Variants in DIS3L2 observed in about 807,000 individuals in gnomAD.
DIS3L2 encodes the protein DIS3-like exonuclease 2.
Under a neutral mutation model 97.5 loss-of-function variants are expected in DIS3L2, and 34 were observed. The observed-to-expected ratio is 0.35, with a 90% CI of 0.27 to 0.46. The LOEUF (loss-of-function observed/expected upper bound fraction) is 0.46. DIS3L2 is among the 20% of genes least tolerant of loss of function. The pLI, the probability that DIS3L2 is intolerant of heterozygous loss-of-function variation, is 1.00. For synonymous variants in DIS3L2, 435 were observed against 445.2 expected (o/e 0.98, Z 0.29); for missense variants, 1,038 against 1,146.0 (o/e 0.91, Z 1.36).
intron 5 of DIS3L2, among the ~76,000 whole-genome samples, chr2:232,045,058 A>G (rs1695200006): frequency 6.6e-6 from 1 of 152,160 alleles, no homozygotes; most frequent in Non-Finnish European, 1.5e-5. Context: ...GTGATAGAGA[A>G]AAAATCCTGG....
rs11682549 is a variant in DIS3L2 at position 232,142,958 on chromosome 2, C to T, written c.950+6239C>T. Among the ~76,000 whole-genome samples, 434 of 152,226 alleles carry T rather than the reference C, an allele frequency of 2.9e-3. 1 individual carries two copies. The highest frequency in any genetic ancestry group is 4.7e-3 in the Non-Finnish European group (323 of 68,016). On this transcript the variant is annotated intron_variant, in intron 8 of 20. Transcript: ENST00000325385. ...AACATTGGACCAACATGTATGAGAGCATGTATTTAAGAGTAGTAATACGAT... is the reference window on the plus strand; with the variant it reads ...AACATTGGACCAACATGTATGAGAGTATGTATTTAAGAGTAGTAATACGAT...
intron 14 of DIS3L2, among the ~76,000 whole-genome samples, chr2:232,308,051 G>T (rs1262178687): frequency 2.0e-5 from 3 of 152,258 alleles, no homozygotes; most frequent in Non-Finnish European, 4.4e-5. Flanking sequence ...GGGATTTCCA[G>T]TCCCTGTGAA....
chr2:232,099,159 T>G (rs1471013240), intron 6 of DIS3L2, among the ~76,000 whole-genome samples: 1 of 152,160 alleles, frequency 6.6e-6, no homozygotes, highest in Non-Finnish European at 1.5e-5. Context: ...TCCTGATATG[T>G]CATTATTTTA....
chr2:232,144,746 T>A (rs909486948), intron 8 of DIS3L2, among the ~76,000 whole-genome samples: 6 of 152,188 alleles, frequency 3.9e-5, no homozygotes, highest in African/African-American at 1.4e-4. Context: ...GTCTCTGTAG[T>A]CTCTCCAATT....
intron 5 of DIS3L2, among the ~76,000 whole-genome samples, chr2:232,068,446 G>A (rs975893772): frequency 7.3e-5 from 11 of 151,450 alleles, no homozygotes; most frequent in South Asian, 4.2e-4. Context: ...TTAGCTGGGC[G>A]TGATGGCATG....
At chr2:232,086,250 C>T (rs1033018130) in intron 5 of DIS3L2, among the ~76,000 whole-genome samples, 7 of 145,046 alleles carry the variant, frequency 4.8e-5, no homozygotes, top group African/African-American at 8.1e-5. Flanking sequence ...TATATACACA[C>T]GTATAGACGT....
chr2:232,161,425 T>G (rs970647903), intron 8 of DIS3L2, among the ~76,000 whole-genome samples: 3 of 152,200 alleles, frequency 2.0e-5, no homozygotes, highest in African/African-American at 4.8e-5. Flanking sequence ...TGACATGTTA[T>G]GTTTTCATTC....
intron 5 of DIS3L2, among the ~76,000 whole-genome samples, chr2:232,085,687 A>T (rs1424639002): frequency 6.6e-6 from 1 of 152,140 alleles, no homozygotes; most frequent in African/African-American, 2.4e-5. Context: ...TAGGGTCACA[A>T]TTTTTTTCAG....
chr2:232,031,272 G>A (rs940158822), intron 5 of DIS3L2, among the ~76,000 whole-genome samples: 5 of 152,156 alleles, frequency 3.3e-5, no homozygotes, highest in African/African-American at 9.6e-5. Context: ...GCTTTGTTGA[G>A]GCATACATTC....
At chr2:232,203,620 C>T (rs1691954203) in intron 9 of DIS3L2, among the ~76,000 whole-genome samples, 1 of 152,152 alleles carries the variant, frequency 6.6e-6, no homozygotes. Context: ...TAAAGACAGT[C>T]CAATCTCATT....
At chr2:232,217,287 G>A (rs1574951811) in intron 10 of DIS3L2, among the ~76,000 whole-genome samples, 1 of 152,302 alleles carries the variant, frequency 6.6e-6, no homozygotes, top group East Asian at 1.9e-4. Context: ...GAAGGAGATA[G>A]TCTGAGTGGG....
intron 6 of DIS3L2, among the ~76,000 whole-genome samples, chr2:232,097,861 TA>T (rs1023852244): frequency 2.6e-5 from 4 of 152,302 alleles, no homozygotes; most frequent in Admixed American, 2.6e-4. Flanking sequence ...ATGCTGTGTC[TA>T]ACCTTAAGCT....
At chr2:231,976,351 C>T (rs1158754597) in intron 1 of DIS3L2, among the ~76,000 whole-genome samples, 5 of 152,180 alleles carry the variant, frequency 3.3e-5, no homozygotes, top group Non-Finnish European at 7.4e-5. Context: ...TAGATTGGGC[C>T]AGGCACGGTA....
chr2:231,996,877 C>G (rs1168355116), intron 1 of DIS3L2, among the ~76,000 whole-genome samples: 1 of 152,216 alleles, frequency 6.6e-6, no homozygotes, highest in Non-Finnish European at 1.5e-5. Flanking sequence ...CTAGAAGGCT[C>G]TAGTCTGTGA....
intron 7 of DIS3L2, 140 bp downstream of exon 7, chr2:232,130,859 T>TAAA: frequency 5.9e-6 from 6 of 1,009,270 alleles, no homozygotes; most frequent in South Asian, 5.7e-5. Context: ...AAAAGTGAAT[T>TAAA]AAAAAAAAAA....
chr2:232,157,719 A>G (rs1690534478), intron 8 of DIS3L2, among the ~76,000 whole-genome samples: 1 of 152,182 alleles, frequency 6.6e-6, no homozygotes. Flanking sequence ...ATGGCTGTGT[A>G]TCAGGTGCTC....
At chr2:232,035,306 G>C (rs1237709631) in intron 5 of DIS3L2, among the ~76,000 whole-genome samples, 1 of 152,092 alleles carries the variant, frequency 6.6e-6, no homozygotes, top group Non-Finnish European at 1.5e-5. Flanking sequence ...TTTTATCAGA[G>C]ACTAGGATTG....
intron 13 of DIS3L2, among the ~76,000 whole-genome samples, chr2:232,289,552 C>T (rs535008487): frequency 1.3e-5 from 2 of 152,344 alleles, no homozygotes; most frequent in South Asian, 2.1e-4. Context: ...GGATTATAGG[C>T]ATGAGCCACC....
chr2:232,108,929 C>CT (rs1559637809), intron 6 of DIS3L2, among the ~76,000 whole-genome samples: 1 of 152,208 alleles, frequency 6.6e-6, no homozygotes, highest in East Asian at 1.9e-4. Context: ...AAGGGAAAAA[C>CT]ATTCCATGCT....
Sources: gnomAD v4.1 joint callset for allele counts (sites outside exome capture counted in the v4.1 genomes callset) on GRCh38, gnomAD v4.1.1 for gene constraint, MANE v1.5 for transcripts, NCBI Gene and HGNC (gene_info 2026-07-23, HGNC 2026-07-21) for gene names.